Variants in PEX11B observed in about 807,000 individuals in gnomAD.
PEX11B encodes the protein peroxisomal membrane protein 11B.
A neutral mutation model predicts 28.2 loss-of-function variants in PEX11B; 18 were observed. That is an observed-to-expected ratio of 0.64 (90% CI 0.44 to 0.95). The LOEUF (loss-of-function observed/expected upper bound fraction) is 0.95. Ranked by LOEUF, PEX11B falls within the 40% of genes least tolerant of loss-of-function variation. PEX11B has a pLI of 0.00. For missense variants in PEX11B, 305 were observed against 319.8 expected, an observed-to-expected ratio of 0.95 and a Z score of 0.35; for synonymous variants, 128 against 128.7, an observed-to-expected ratio of 0.99 and a Z score of 0.04.
intron 1 of PEX11B, chr1:145,918,093 G>A (rs587630753): frequency 7.1e-6 from 7 of 985,434 alleles, no homozygotes; most frequent in Middle Eastern, 5.2e-4. Context: ...GGCCGCAGGG[G>A]TCCATCACAA....
At position 145,917,797 on chromosome 1, in the gene PEX11B, A is replaced by G; in HGVS notation, c.76T>C (p.Ser26Pro). The change falls in exon 2 of 4, where the codon TCT (serine) becomes CCT (proline). Residue 26 changes from serine (S) to proline (P), a missense_variant. Ser to Pro is a moderately conservative substitution (Grantham distance 74). Coordinates refer to ENST00000369306, the MANE Select transcript of PEX11B (RefSeq NM_003846.3). ...CTCTGCAGCGCATGGCCAAGAAGAG[A>G]GCAAGCATACTGGGCGGCCCTAGAG... is the stretch of plus-strand genomic sequence containing the variant. ...RLCRAAQYACSLLGHALQRHG... is the reference protein window; with the variant it reads ...RLCRAAQYACPLLGHALQRHG... 1 of 1,613,346 alleles carries G rather than the reference A, an allele frequency of 6.2e-7. No homozygotes were observed. Among genetic ancestry groups the G allele is most frequent in the Non-Finnish European group, 8.5e-7 (1 of 1,179,310 alleles).
At position 145,916,839 on chromosome 1, in the gene PEX11B, T is replaced by C. The variant is rs1262627123; in HGVS notation, c.352A>G (p.Lys118Glu). The change falls in exon 3 of 4, where the codon AAG becomes GAG. Residue 118 changes from lysine to glutamate, a missense_variant. Transcript: ENST00000369306. ...AACCTGAATGAACGCTGGGCCCACT[T>C]CTCCTGATCCACACGGGGAGCCAGT... ...SGLAPRVDQE[K>E]WAQRSFRYYL... 1 of 1,613,276 alleles carries C rather than the reference T, an allele frequency of 6.2e-7. No homozygotes were observed. The highest frequency in any genetic ancestry group is 8.5e-7 in the Non-Finnish European group (1 of 1,179,752).
rs1570929708 is a variant in PEX11B at position 145,911,970 on chromosome 1, T to C, written c.*191A>G. 6.8e-6 allele frequency: 3 copies of C among 439,148 alleles called. No individual in the cohort carries two copies. The East Asian group carries it at 1.0e-4, about 15-fold the overall frequency. 27.2% of individuals were successfully genotyped at this position (439,148 alleles called of 1,614,324 possible). A position where few individuals can be genotyped will look rare whatever the true frequency, so the allele number is the denominator to read the frequency against. ...CAGAAGCTCAGGCACATCTAGAAAT[T>C]AGAGACATCCTATTAACTTCACGAG... On this transcript the variant is annotated 3_prime_UTR_variant, in exon 4 of 4. Coordinates refer to ENST00000369306, the MANE Select transcript of PEX11B (RefSeq NM_003846.3).
intron 2 of PEX11B, 45 bp from the exon 3 acceptor site, chr1:145,917,063 G>A (rs1647424141): frequency 4.1e-6 from 5 of 1,233,926 alleles, no homozygotes; most frequent in Middle Eastern, 1.9e-4. Flanking sequence ...TAAGTGGAGA[G>A]GCAGATAACA....
In PEX11B at chr1:145,912,169, T is replaced by G. The variant is rs782030227; in HGVS notation, c.772A>C (p.Lys258Gln). 6.2e-6 allele frequency: 10 copies of G among 1,601,748 alleles called. No homozygotes were observed. Among genetic ancestry groups the G allele is most frequent in the Non-Finnish European group, 8.5e-6 (10 of 1,173,110 alleles). The change falls in exon 4 of 4, where the codon AAG becomes CAG. Residue 258 changes from lysine to glutamine, a missense_variant. Transcript: ENST00000369306. ...LTLIYPWLRL[K>Q]P is the part of the protein sequence containing the mutation. ...TATCCTGTACCGGAAGGTCAGGGCTTGAGTCGTAGCCAGGGATAGATTAGG... is the reference window on the plus strand; with the variant it reads ...TATCCTGTACCGGAAGGTCAGGGCTGGAGTCGTAGCCAGGGATAGATTAGG...
intron 3 of PEX11B, among the ~76,000 whole-genome samples, chr1:145,912,988 T>C (rs587641561): frequency 3.3e-5 from 5 of 150,894 alleles, no homozygotes; most frequent in African/African-American, 7.4e-5. Context: ...CTTGGGAGGC[T>C]GAGGCATGAG....
In PEX11B at chr1:145,918,137, G is replaced by C. The variant is rs1344280083; in HGVS notation, c.57-321C>G. 4 of 985,348 alleles carry C rather than the reference G, an allele frequency of 4.1e-6. No homozygotes were observed. In the South Asian group the frequency reaches 1.4e-4, roughly 35 times the overall value. The allele number at this position is 985,348 out of a possible 1,614,324, so 61.0% of individuals were successfully genotyped here. A position where few individuals can be genotyped will look rare whatever the true frequency, so the allele number is the denominator to read the frequency against. Reference sequence around the variant, plus strand: ...GCGTGAGCATGTACGTGATCGATGAGGGGGAGGCAGACAGTTGGAGGGCAT... The same window carrying C: ...GCGTGAGCATGTACGTGATCGATGACGGGGAGGCAGACAGTTGGAGGGCAT... On this transcript the variant is annotated intron_variant, in intron 1 of 3. Coordinates refer to ENST00000369306, the MANE Select transcript of PEX11B (RefSeq NM_003846.3).
At position 145,912,184 on chromosome 1, in the gene PEX11B, G is replaced by C. The variant is rs781922976; in HGVS notation, c.757C>G (p.Pro253Ala). 1 of 1,609,824 alleles carries C rather than the reference G, an allele frequency of 6.2e-7. No homozygotes were observed. The highest frequency in any genetic ancestry group is 1.7e-5 in the Admixed American group (1 of 59,646). The change falls in exon 4 of 4, where the codon CCC becomes GCC. Residue 253 changes from proline (P) to alanine (A), a missense_variant. By Grantham distance (27) the Pro-to-Ala change is conservative. Transcript: ENST00000369306. ...SILSILTLIYPWLRLKP is the reference protein window; with the variant it reads ...SILSILTLIYAWLRLKP Reference sequence around the variant, plus strand: ...GGTCAGGGCTTGAGTCGTAGCCAGGGATAGATTAGGGTGAGAATAGACAGG... The same window carrying C: ...GGTCAGGGCTTGAGTCGTAGCCAGGCATAGATTAGGGTGAGAATAGACAGG...
At position 145,912,006 on chromosome 1, in the gene PEX11B, T is replaced by C; in HGVS notation, c.*155A>G. ...TATTAACTTCACGAGTCATCTTTCCTTACCTCATCTTCCCCAAAGCTCTTC... is the reference window on the plus strand; with the variant it reads ...TATTAACTTCACGAGTCATCTTTCCCTACCTCATCTTCCCCAAAGCTCTTC... On this transcript the variant is annotated 3_prime_UTR_variant, in exon 4 of 4. Coordinates refer to ENST00000369306, the MANE Select transcript of PEX11B (RefSeq NM_003846.3). 1 of 541,824 alleles carries C rather than the reference T, an allele frequency of 1.8e-6. No homozygotes were observed. Among genetic ancestry groups the C allele is most frequent in the Middle Eastern group, 4.1e-4 (1 of 2,440 alleles). 33.6% of individuals were successfully genotyped at this position (541,824 alleles called of 1,614,324 possible). A position where few individuals can be genotyped will look rare whatever the true frequency, so the allele number is the denominator to read the frequency against.
rs1317838066 is a variant in PEX11B at position 145,914,780 on chromosome 1, C to T, written c.374+2037G>A. 2.0e-5 allele frequency among the ~76,000 whole-genome samples: 3 copies of T among 152,362 alleles called. No individual in the cohort carries two copies. In the East Asian group the frequency reaches 5.8e-4, roughly 29 times the overall value. On this transcript the variant is annotated intron_variant, in intron 3 of 3. Transcript: ENST00000369306. The stretch of plus-strand genomic sequence containing the variant: ...AAAGCACTGAGTCAGTTACTCTCTA[C>T]TCCATAACACTGTTTTAATTTCCTG...
intron 1 of PEX11B, 161 bp downstream of exon 1, chr1:145,918,472 C>G: frequency 7.2e-6 from 11 of 1,536,572 alleles, no homozygotes; most frequent in Non-Finnish European, 9.6e-6. Context: ...AAGGAATCAT[C>G]TCAACAGCGG....
chr1:145,918,051 T>C (rs1451421173), intron 1 of PEX11B: 1 of 984,916 alleles, frequency 1.0e-6, no homozygotes, highest in Non-Finnish European at 1.2e-6. Flanking sequence ...ATTAGAGATT[T>C]GACAATGATG....
rs76995370 is a variant in PEX11B at position 145,915,574 on chromosome 1, G to A, written c.374+1243C>T. On this transcript the variant is annotated intron_variant, in intron 3 of 3. Coordinates refer to ENST00000369306, the MANE Select transcript of PEX11B (RefSeq NM_003846.3). Reference sequence around the variant, plus strand: ...TCCAAGCCAACGTCATCTCTTGCTCGTATTAGGGCATCTCCTCCTCTCTTG... The same window carrying A: ...TCCAAGCCAACGTCATCTCTTGCTCATATTAGGGCATCTCCTCCTCTCTTG... 5.9e-3 allele frequency among the ~76,000 whole-genome samples: 895 copies of A among 151,190 alleles called. 5 individuals are homozygous for A. Among genetic ancestry groups the A allele is most frequent in the Non-Finnish European group, 8.1e-3 (549 of 67,884 alleles).
chr1:145,914,019 C>G (rs1476136830), intron 3 of PEX11B, among the ~76,000 whole-genome samples: 1 of 152,224 alleles, frequency 6.6e-6, no homozygotes, highest in Non-Finnish European at 1.5e-5. Flanking sequence ...CCACCCCCAA[C>G]AATCTATTTT....
At position 145,918,699 on chromosome 1, in the gene PEX11B, G is replaced by T; in HGVS notation, c.-11C>A. The T allele has an allele frequency of 6.4e-7, 1 of 1,566,524 alleles. No individual in the cohort carries two copies. ...GACCCAGGCGTCCATGACAGCCGCA[G>T]CCCAGGCTCCGCGGCCCTGCTCCCG... On this transcript the variant is annotated 5_prime_UTR_variant, in exon 1 of 4. It adds an upstream start codon to the 5' untranslated region. Transcript: ENST00000369306.
intron 3 of PEX11B, among the ~76,000 whole-genome samples, chr1:145,912,985 G>A (rs1447482042): frequency 6.6e-6 from 1 of 151,744 alleles, no homozygotes; most frequent in Non-Finnish European, 1.5e-5. Flanking sequence ...CTACTTGGGA[G>A]GCTGAGGCAT....
intron 3 of PEX11B, among the ~76,000 whole-genome samples, chr1:145,915,702 C>T (rs1264884728): frequency 6.7e-6 from 1 of 149,952 alleles, no homozygotes; most frequent in East Asian, 2.0e-4. Flanking sequence ...AGCACGATCT[C>T]GGCTCACTGC....
At chr1:145,914,384 A>AC (rs1647269892) in intron 3 of PEX11B, among the ~76,000 whole-genome samples, 1 of 151,328 alleles carries the variant, frequency 6.6e-6, no homozygotes, top group African/African-American at 2.5e-5. Context: ...AAAAAAAAAA[A>AC]AAACCAAAAA....
In PEX11B at chr1:145,912,700, C is replaced by G. The variant is rs148283009; in HGVS notation, c.375-134G>C. 889 of 574,014 alleles carry G rather than the reference C, an allele frequency of 1.5e-3. 8 individuals are homozygous for G. The highest frequency in any genetic ancestry group is 0.015 in the African/African-American group (804 of 52,612). 35.6% of individuals were successfully genotyped at this position (574,014 alleles called of 1,614,324 possible). A position where few individuals can be genotyped will look rare whatever the true frequency, so the allele number is the denominator to read the frequency against. On this transcript the variant is annotated intron_variant, in intron 3 of 3. Transcript: ENST00000369306. ...TCAGAAGTAAAGTGAATGCTATTAC[C>G]CCTATTAGAAATGTCCTCCATCGAG...
Sources: gnomAD v4.1 joint callset for allele counts (sites outside exome capture counted in the v4.1 genomes callset) on GRCh38, gnomAD v4.1.1 for gene constraint, MANE v1.5 for transcripts, NCBI Gene and HGNC (gene_info 2026-07-23, HGNC 2026-07-21) for gene names.